The following FREM2 variants were observed in gnomAD, a reference collection of about 807,000 sequenced individuals.
FREM2 encodes FRAS1 related extracellular matrix 2.
A neutral mutation model predicts 219.9 loss-of-function variants in FREM2; 119 were observed. The observed-to-expected ratio is 0.54, with a 90% CI of 0.47 to 0.63. The LOEUF (loss-of-function observed/expected upper bound fraction) is 0.63. FREM2 is among the 30% of genes least tolerant of loss of function. The pLI is 0.00. For synonymous variants in FREM2, 1,562 were observed against 1,522.8 expected, an observed-to-expected ratio of 1.03 and a Z score of -0.60; for missense variants, 4,030 against 3,993.6, an observed-to-expected ratio of 1.01 and a Z score of -0.25.
chr13:38,758,880 A>G (rs983172449), intron 2 of FREM2, among the ~76,000 whole-genome samples: 2 of 152,184 alleles, frequency 1.3e-5, no homozygotes, highest in Non-Finnish European at 2.9e-5. Context: ...TAAAAATCAA[A>G]TTATCTGCCC....
At chr13:38,829,308 C>T (rs1372679474) in intron 6 of FREM2, among the ~76,000 whole-genome samples, 3 of 152,102 alleles carry the variant, frequency 2.0e-5, no homozygotes, top group Non-Finnish European at 4.4e-5. Flanking sequence ...GAGTTTCTAA[C>T]AGGTCTGTAT....
intron 2 of FREM2, among the ~76,000 whole-genome samples, chr13:38,732,050 G>C (rs1328835481): frequency 6.6e-6 from 1 of 152,118 alleles, no homozygotes; most frequent in African/African-American, 2.4e-5. Context: ...CAGTTAAATT[G>C]GTAACTTGCA....
At chr13:38,805,451 A>T (rs1488731114) in intron 6 of FREM2, among the ~76,000 whole-genome samples, 2 of 151,948 alleles carry the variant, frequency 1.3e-5, no homozygotes, top group East Asian at 2.0e-4. Flanking sequence ...ATGGAAGAAG[A>T]TGAGACTCTA....
At chr13:38,850,526 G>C (rs528406621) in intron 9 of FREM2, among the ~76,000 whole-genome samples, 20 of 152,254 alleles carry the variant, frequency 1.3e-4, no homozygotes, top group African/African-American at 4.6e-4. Flanking sequence ...AATTAAACTT[G>C]GCTCAATGAT....
At chr13:38,857,183 C>A (rs1207803801) in intron 12 of FREM2, among the ~76,000 whole-genome samples, 1 of 152,102 alleles carries the variant, frequency 6.6e-6, no homozygotes, top group Non-Finnish European at 1.5e-5. Flanking sequence ...CAAATTACTT[C>A]CAGCGATGAA....
chr13:38,741,165 G>T (rs2137780508), intron 2 of FREM2, among the ~76,000 whole-genome samples: 2 of 152,246 alleles, frequency 1.3e-5, no homozygotes, highest in Middle Eastern at 6.8e-3. Flanking sequence ...TTCAAACCCT[G>T]CAAAACACGT....
chr13:38,690,000 G>A lies in FREM2; in HGVS notation c.2656G>A (p.Val886Ile), dbSNP rs1256652343. 3 of 1,613,978 alleles carry A rather than the reference G, an allele frequency of 1.9e-6. No individual in the cohort carries two copies. Among genetic ancestry groups the A allele is most frequent in the Admixed American group, 3.3e-5 (2 of 60,004 alleles). Residue 886 changes from valine (V) to isoleucine (I), a missense_variant, in exon 1 of 24, where the codon GTA becomes ATA. Transcript: ENST00000280481. The part of the protein sequence containing the change: ...HMRVSGQILH[V>I]GGLFHLEDIK... Reference sequence around the variant, plus strand: ...GAGAGTGTCTGGACAGATCCTGCATGTAGGGGGTCTCTTCCACTTGGAGGA... The same window carrying A: ...GAGAGTGTCTGGACAGATCCTGCATATAGGGGGTCTCTTCCACTTGGAGGA...
rs866103451 is a variant in FREM2 at position 38,881,990 on chromosome 13, G to C, written c.*1203G>C. On this transcript the variant is annotated 3_prime_UTR_variant, in exon 24 of 24. Transcript: ENST00000280481. The stretch of plus-strand genomic sequence containing the variant: ...AGAATCATTGACCATATTTTTATTT[G>C]GTTCAAGAAGACATCGCTCTGGCAT... 96 of 152,014 alleles carry C rather than the reference G, an allele frequency of 6.3e-4. No homozygotes were observed. Among genetic ancestry groups the C allele is most frequent in the African/African-American group, 2.2e-3 (92 of 41,386 alleles). The allele number at this position is 152,014 out of a possible 1,614,324, so 9.4% of individuals were successfully genotyped here. A position where few individuals can be genotyped will look rare whatever the true frequency, so the allele number is the denominator to read the frequency against.
intron 11 of FREM2, among the ~76,000 whole-genome samples, chr13:38,853,333 A>C (rs903708538): frequency 4.6e-5 from 7 of 152,014 alleles, no homozygotes; most frequent in South Asian, 2.1e-4. Context: ...AAAAAAAAAA[A>C]AAACAAATCA....
Position 38,876,023 on chromosome 13 carries a change from A to T in FREM2, c.8283A>T (p.Ala2761=). The change falls in exon 19 of 24, where the codon GCA becomes GCT. Residue 2761 remains alanine (A), a splice_region_variant and synonymous_variant. Transcript: ENST00000280481. ...TTATAATTACTGGCACTTTCCTAGC[A>T]TCCTTTACAAGCTCAGTGATCATGT... ...FHGLFVLSHP[A]SFTSSVIMSA... 1 of 1,613,528 alleles carries T rather than the reference A, an allele frequency of 6.2e-7. No homozygotes were observed. The highest frequency in any genetic ancestry group is 1.1e-5 in the South Asian group (1 of 91,070).
In FREM2 at chr13:38,688,748, G is replaced by A; in HGVS notation, c.1404G>A (p.Leu468=). Residue 468 remains leucine (L), a synonymous_variant, in exon 1 of 24, where the codon TTG becomes TTA. Coordinates refer to ENST00000280481, the MANE Select transcript of FREM2 (RefSeq NM_207361.6). ...CTGCAGGCAGTGGTCCGCAAAACTT[G>A]GTCATCAGCGATGAGGATGACCTAG... is the stretch of plus-strand genomic sequence containing the variant. ...TGPAGSGPQN[L]VISDEDDLEA... 1 of 1,613,998 alleles carries A rather than the reference G, an allele frequency of 6.2e-7. No individual in the cohort carries two copies. The highest frequency in any genetic ancestry group is 1.1e-5 in the South Asian group (1 of 91,084).
chr13:38,691,285 T>G lies in FREM2; in HGVS notation c.3941T>G (p.Ile1314Arg), dbSNP rs765184260. The change falls in exon 1 of 24, where the codon ATA (isoleucine) becomes AGA (arginine). Residue 1314 changes from isoleucine (I) to arginine (R), a missense_variant. Ile to Arg is a moderately conservative substitution (Grantham distance 97). Around this residue, in one of 2 missense-constraint regions of FREM2, gnomAD observed 3,102 missense variants for 2,950.7 expected, o/e 1.05. Coordinates refer to ENST00000280481, the MANE Select transcript of FREM2 (RefSeq NM_207361.6). ...ATGACTATCAATAATGGACTAGAAA[T>G]AGAAATTGGGGATACCAAGATTATC... Reference protein sequence around the residue: ...PRMTINNGLEIEIGDTKIINN... With the variant: ...PRMTINNGLEREIGDTKIINN... The G allele has an allele frequency of 6.2e-7, 1 of 1,613,900 alleles. No homozygotes were observed. The highest frequency in any genetic ancestry group is 1.1e-5 in the South Asian group (1 of 91,074).
At chr13:38,790,186 A>G (rs925611591) in intron 6 of FREM2, among the ~76,000 whole-genome samples, 3 of 152,190 alleles carry the variant, frequency 2.0e-5, no homozygotes. Context: ...AGGCAGAAAC[A>G]ACAAGCTCCA....
intron 13 of FREM2, among the ~76,000 whole-genome samples, chr13:38,858,458 CTT>C (rs1877641453): frequency 1.3e-5 from 2 of 152,070 alleles, no homozygotes; most frequent in Admixed American, 1.3e-4. Flanking sequence ...AATTTTGACT[CTT>C]TAGGATGCAA....
intron 15 of FREM2, among the ~76,000 whole-genome samples, chr13:38,863,091 C>T (rs1877822199): frequency 6.6e-6 from 1 of 152,108 alleles, no homozygotes; most frequent in East Asian, 1.9e-4. Context: ...ACTCTGTTAC[C>T]CAGGCTGGAG....
In FREM2 at chr13:38,687,929, G is replaced by A. The variant is rs755286845; in HGVS notation, c.585G>A (p.Gly195=). The change falls in exon 1 of 24, where the codon GGG becomes GGA. Residue 195 remains glycine, a synonymous_variant. Transcript: ENST00000280481. The part of the protein sequence containing the change: ...NLPLVVEELL[G]TSNALDARSL... Reference sequence around the variant, plus strand: ...CTCTGGTCGTGGAAGAGCTGCTGGGGACCAGCAATGCCCTGGACGCGCGGA... The same window carrying A: ...CTCTGGTCGTGGAAGAGCTGCTGGGAACCAGCAATGCCCTGGACGCGCGGA... 2 of 1,602,226 alleles carry A rather than the reference G, an allele frequency of 1.2e-6. No homozygotes were observed. Among genetic ancestry groups the A allele is most frequent in the Non-Finnish European group, 1.7e-6 (2 of 1,173,474 alleles).
intron 6 of FREM2, among the ~76,000 whole-genome samples, chr13:38,796,825 T>G (rs538134305): frequency 1.3e-5 from 2 of 152,116 alleles, no homozygotes; most frequent in African/African-American, 4.8e-5. Context: ...CTATTTTTAG[T>G]TTTTTGAAAA....
chr13:38,786,395 C>T (rs991949331), intron 6 of FREM2, among the ~76,000 whole-genome samples: 3 of 152,058 alleles, frequency 2.0e-5, no homozygotes, highest in African/African-American at 7.2e-5. Context: ...TTATATAATA[C>T]CCTATAAGTA....
intron 2 of FREM2, among the ~76,000 whole-genome samples, chr13:38,748,786 ATTATTTTGGGAAGTGC>A (rs1005404398): frequency 6.6e-6 from 1 of 152,194 alleles, no homozygotes; most frequent in African/African-American, 2.4e-5. Flanking sequence ...ATTCAAAAAA[ATTATTTTGGGAAGTGC>A]TTTCCCAAAT....
Sources: allele counts gnomAD v4.1 joint callset (sites outside exome capture counted in the v4.1 genomes callset), GRCh38; gene constraint gnomAD v4.1.1; regional missense constraint gnomAD v4.1.1; transcripts MANE v1.5; gene names NCBI Gene and HGNC (gene_info 2026-07-23, HGNC 2026-07-21).